Variants in CPD observed in about 807,000 individuals in gnomAD.
CPD encodes the protein metallocarboxypeptidase D.
A neutral mutation model predicts 138.3 loss-of-function variants in CPD; 69 were observed. That is an observed-to-expected ratio of 0.50 (90% confidence interval 0.41 to 0.61). CPD has a LOEUF of 0.61. CPD is among the 20% of genes least tolerant of loss of function. The pLI, the probability that CPD is intolerant of heterozygous loss-of-function variation, is 0.00. For missense variants in CPD, 1,432 were observed against 1,733.3 expected (o/e 0.83, Z 3.09); for synonymous variants, 651 against 642.1 (o/e 1.01, Z -0.21).
In CPD at chr17:30,461,224, C is replaced by T; in HGVS notation, c.3543C>T (p.Tyr1181=). The T allele has an allele frequency of 1.9e-6, 3 of 1,611,826 alleles. No individual in the cohort carries two copies. Among genetic ancestry groups the T allele is most frequent in the Admixed American group, 1.7e-5 (1 of 59,682 alleles). ...TYGHCPEITV[Y]TSCCYFPSAA... is the part of the protein sequence containing the mutation. Reference sequence around the variant, plus strand: ...GCCATTGTCCGGAAATCACAGTATACACAAGCTGCTGTTACTTTCCTAGTG... The same window carrying T: ...GCCATTGTCCGGAAATCACAGTATATACAAGCTGCTGTTACTTTCCTAGTG... The change falls in exon 18 of 21, where the codon TAC becomes TAT. Residue 1181 remains tyrosine, a synonymous_variant. Transcript: ENST00000225719.
At chr17:30,449,238 ATAG>A (rs1260254161) in intron 12 of CPD, among the ~76,000 whole-genome samples, 1 of 152,194 alleles carries the variant, frequency 6.6e-6, no homozygotes, top group Non-Finnish European at 1.5e-5. Context: ...TATTAACTAA[ATAG>A]TAGTGTAGAT....
chr17:30,456,064 T>C, intron 15 of CPD, 192 bp from the exon 16 acceptor site: 1 of 561,268 alleles, frequency 1.8e-6, no homozygotes, highest in Non-Finnish European at 3.1e-6. Flanking sequence ...AACCTTTTCA[T>C]GTAAAGAGGA....
chr17:30,398,081 A>C (rs961623288), intron 2 of CPD, among the ~76,000 whole-genome samples: 1 of 152,004 alleles, frequency 6.6e-6, no homozygotes, highest in South Asian at 2.1e-4. Context: ...ATTTAAACTT[A>C]AGATGAAAAC....
intron 2 of CPD, among the ~76,000 whole-genome samples, chr17:30,415,287 A>C (rs1912075911): frequency 6.6e-6 from 1 of 152,102 alleles, no homozygotes; most frequent in Non-Finnish European, 1.5e-5. Flanking sequence ...GTCATTTTCC[A>C]TCCAGCAGTC....
At chr17:30,460,909 C>G (rs952526690) in intron 17 of CPD, among the ~76,000 whole-genome samples, 2 of 152,150 alleles carry the variant, frequency 1.3e-5, no homozygotes, top group Non-Finnish European at 2.9e-5. Flanking sequence ...CGAATAAACC[C>G]CATCTACCTG....
intron 14 of CPD, chr17:30,454,926 A>G (rs533060195): frequency 1.5e-4 from 23 of 156,940 alleles, no homozygotes; most frequent in Middle Eastern, 3.2e-3. Context: ...TGATTCAGTC[A>G]CCTCCCACTG....
At chr17:30,414,576 G>A (rs1312633891) in intron 2 of CPD, among the ~76,000 whole-genome samples, 1 of 149,140 alleles carries the variant, frequency 6.7e-6, no homozygotes, top group Non-Finnish European at 1.5e-5. Flanking sequence ...GAGCGAGACT[G>A]TCTCGGAAAA....
In CPD at chr17:30,464,057, T is replaced by C. The variant is rs1209181658; in HGVS notation, c.3917-531T>C. Among the ~76,000 whole-genome samples, 3 of 152,034 alleles carry C rather than the reference T, an allele frequency of 2.0e-5. No homozygotes were observed. The East Asian group carries it at 5.8e-4, about 29-fold the overall frequency. ...CAGTAGACACAGTATAATTTCATTA[T>C]GGTAAAAGAAAAAAAATACATGTAC... On this transcript the variant is annotated intron_variant, in intron 20 of 20. Transcript: ENST00000225719.
chr17:30,405,625 A>G (rs572441213), intron 2 of CPD, among the ~76,000 whole-genome samples: 2 of 152,150 alleles, frequency 1.3e-5, no homozygotes, highest in African/African-American at 4.8e-5. Context: ...TGTGATTTCT[A>G]TGTTGTTCCG....
chr17:30,379,618 G>A lies in CPD; in HGVS notation c.638G>A (p.Gly213Asp). 1 of 1,478,614 alleles carries A rather than the reference G, an allele frequency of 6.8e-7. No homozygotes were observed. The allele number at this position is 1,478,614 out of a possible 1,614,324, so 91.6% of individuals were successfully genotyped here. A position where few individuals can be genotyped will look rare whatever the true frequency, so the allele number is the denominator to read the frequency against. The change falls in exon 1 of 21, where the codon GGC becomes GAC. Residue 213 changes from glycine (G) to aspartate (D), a missense_variant. Gly to Asp is a moderately conservative substitution (Grantham distance 94). Transcript: ENST00000225719. The surrounding 1 kb of genome is among the most constrained non-coding windows in gnomAD (Gnocchi z 7.0). Reference sequence around the variant, plus strand: ...GCCAGCGGCCGCGACAATAGTCGCGGCCGCGACCTCAACCGAAGCTTTCCC... The same window carrying A: ...GCCAGCGGCCGCGACAATAGTCGCGACCGCGACCTCAACCGAAGCTTTCCC... ...SGASGRDNSR[G>D]RDLNRSFPDQ...
chr17:30,424,962 A>G (rs1332321323), intron 6 of CPD, among the ~76,000 whole-genome samples: 1 of 152,194 alleles, frequency 6.6e-6, no homozygotes, highest in Non-Finnish European at 1.5e-5. Context: ...GCTCACTTGA[A>G]CAAATAGGCA....
At chr17:30,408,743 C>T (rs755098238) in intron 2 of CPD, among the ~76,000 whole-genome samples, 1 of 151,748 alleles carries the variant, frequency 6.6e-6, no homozygotes, top group Non-Finnish European at 1.5e-5. Context: ...TACAGTCATG[C>T]CATCTGCAAA....
chr17:30,449,919 T>G (rs1316120887), intron 13 of CPD, among the ~76,000 whole-genome samples, 171 bp downstream of exon 13: 1 of 152,218 alleles, frequency 6.6e-6, no homozygotes, highest in Non-Finnish European at 1.5e-5. Flanking sequence ...ATACCCTTTG[T>G]TAATAGTGTC....
Position 30,455,482 on chromosome 17 carries a change from G to T in CPD, c.3337+12G>T, listed in dbSNP as rs777876917. ...GCCAGTACAGACAGGTATGTAGAAT[G>T]TCATTTTATATATATACTGTTTAAG... On this transcript the variant is annotated intron_variant, in intron 15 of 20. Transcript: ENST00000225719. The T allele has an allele frequency of 6.2e-7, 1 of 1,606,286 alleles. No individual in the cohort carries two copies. Among genetic ancestry groups the T allele is most frequent in the South Asian group, 1.1e-5 (1 of 89,328 alleles).
chr17:30,451,430 T>C (rs1913162875), intron 13 of CPD, among the ~76,000 whole-genome samples: 1 of 152,196 alleles, frequency 6.6e-6, no homozygotes, highest in Admixed American at 6.5e-5. Context: ...TTATATACAA[T>C]AGCAGGCACC....
chr17:30,465,055 CT>C lies in CPD; in HGVS notation c.*246del. 2.4e-6 allele frequency: 1 copy of C among 414,374 alleles called. No individual in the cohort carries two copies. The highest frequency in any genetic ancestry group is 4.3e-6 in the Non-Finnish European group (1 of 231,682). The allele number at this position is 414,374 out of a possible 1,614,324, so 25.7% of individuals were successfully genotyped here. A position where few individuals can be genotyped will look rare whatever the true frequency, so the allele number is the denominator to read the frequency against. On this transcript the variant is annotated 3_prime_UTR_variant, in exon 21 of 21. Transcript: ENST00000225719. ...AGCAGAGATGGGACAGCCACTTTTTCTTTTTAATTTAAGATGAGCTATTTGG... is the reference window on the plus strand; with the variant it reads ...AGCAGAGATGGGACAGCCACTTTTTCTTTTAATTTAAGATGAGCTATTTGG...
At chr17:30,398,813 A>T (rs997199369) in intron 2 of CPD, among the ~76,000 whole-genome samples, 40 of 151,380 alleles carry the variant, frequency 2.6e-4, no homozygotes, top group Admixed American at 1.1e-3. Context: ...TAAAATAATT[A>T]AAAAAATAAA....
intron 2 of CPD, among the ~76,000 whole-genome samples, chr17:30,397,431 AAG>A (rs1224641589): frequency 6.6e-6 from 1 of 152,118 alleles, no homozygotes; most frequent in Non-Finnish European, 1.5e-5. Flanking sequence ...AAAAAGTTCA[AAG>A]AGAAAAAGAG....
intron 18 of CPD, 119 bp downstream of exon 18, chr17:30,461,430 G>A: frequency 1.4e-6 from 1 of 739,180 alleles, no homozygotes; most frequent in Non-Finnish European, 1.9e-6. Context: ...TATATAGAAA[G>A]AAGAGTTTTG....
Sources: allele counts gnomAD v4.1 joint callset (sites outside exome capture counted in the v4.1 genomes callset), GRCh38; gene constraint gnomAD v4.1.1; non-coding constraint Gnocchi (gnomAD v3.1); transcripts MANE v1.5; gene names NCBI Gene and HGNC (gene_info 2026-07-23, HGNC 2026-07-21).